Variants in DUSP12 observed in about 807,000 individuals in gnomAD.
DUSP12 encodes dual specificity phosphatase 12, also known as dual specificity protein phosphatase 12.
DUSP12 carries 25 observed loss-of-function variants against 38.9 expected under a neutral mutation model. That is an observed-to-expected ratio of 0.64 (90% CI 0.47 to 0.90). DUSP12 has a LOEUF of 0.90. Among genes scored for constraint, DUSP12 ranks in the 40% least tolerant of loss-of-function variants. The pLI is 0.00. For synonymous variants in DUSP12, 153 were observed against 153.9 expected (o/e 0.99, Z 0.05); for missense variants, 403 against 427.0 (o/e 0.94, Z 0.50).
intron 3 of DUSP12, 47 bp from the exon 4 acceptor site, chr1:161,752,321 G>A: frequency 7.5e-7 from 1 of 1,327,750 alleles, no homozygotes; most frequent in South Asian, 1.2e-5. Context: ...ATCTGAAAAT[G>A]CAGAGTTGAT....
Position 161,753,119 on chromosome 1 carries a change from G to A in DUSP12, c.719G>A (p.Gly240Glu). 1 of 1,612,860 alleles carries A rather than the reference G, an allele frequency of 6.2e-7. No individual in the cohort carries two copies. Among genetic ancestry groups the A allele is most frequent in the Non-Finnish European group, 8.5e-7 (1 of 1,179,602 alleles). The change falls in exon 5 of 6, where the codon GGA becomes GAA. Residue 240 changes from glycine to glutamate, a missense_variant. Transcript: ENST00000367943. ...RSSSILDHRE[G>E]SGPIAFAHKR... ...TCTAGTATTCTGGATCACCGTGAAG[G>A]AAGTGGACCTATAGCCTTTGCCCAC...
intron 4 of DUSP12, 36 bp downstream of exon 4, chr1:161,752,500 G>T: frequency 7.3e-7 from 1 of 1,362,928 alleles, no homozygotes. Flanking sequence ...ATTTTATCTT[G>T]TCTCAGTAGC....
intron 1 of DUSP12, among the ~76,000 whole-genome samples, chr1:161,750,931 C>A (rs1557942520): frequency 2.0e-5 from 3 of 151,240 alleles, no homozygotes; most frequent in African/African-American, 4.9e-5. Flanking sequence ...TCCCTCCCCC[C>A]AAAAAAAGAA....
At position 161,750,142 on chromosome 1, in the gene DUSP12, A is replaced by G. The variant is rs1683992411; in HGVS notation, c.341A>G (p.His114Arg). The G allele has an allele frequency of 6.2e-7, 1 of 1,610,710 alleles. No homozygotes were observed. The highest frequency in any genetic ancestry group is 8.5e-7 in the Non-Finnish European group (1 of 1,178,970). ...GCTGAGGGCCGTGCGGTGTTGGTGCACTGGTGAGTGGCCGGGTCAGTGGGT... is the reference window on the plus strand; with the variant it reads ...GCTGAGGGCCGTGCGGTGTTGGTGCGCTGGTGAGTGGCCGGGTCAGTGGGT... The part of the protein sequence containing the change: ...ARAEGRAVLV[H>R]CHAGVSRSVA... The change falls in exon 1 of 6, where the codon CAC (histidine) becomes CGC (arginine). Residue 114 changes from histidine (H) to arginine (R), a missense_variant. Coordinates refer to ENST00000367943, the MANE Select transcript of DUSP12 (RefSeq NM_007240.3).
In DUSP12 at chr1:161,751,977, G is replaced by T; in HGVS notation, c.570G>T (p.Lys190Asn). Reference protein sequence around the residue: ...KQYRLQKVTEKYPELQNLPQE... With the variant: ...KQYRLQKVTENYPELQNLPQE... Reference sequence around the variant, plus strand: ...ATCGTTTACAAAAGGTTACAGAGAAGTATCCAGGTAAGTAATAATTGCTAG... The same window carrying T: ...ATCGTTTACAAAAGGTTACAGAGAATTATCCAGGTAAGTAATAATTGCTAG... The change falls in exon 3 of 6, where the codon AAG becomes AAT. Residue 190 changes from lysine to asparagine, a missense_variant. By Grantham distance (94) the Lys-to-Asn change is moderately conservative. Coordinates refer to ENST00000367943, the MANE Select transcript of DUSP12 (RefSeq NM_007240.3). 1 of 1,600,554 alleles carries T rather than the reference G, an allele frequency of 6.2e-7. No homozygotes were observed. The highest frequency in any genetic ancestry group is 2.2e-5 in the East Asian group (1 of 44,802).
intron 5 of DUSP12, among the ~76,000 whole-genome samples, chr1:161,755,113 A>T (rs577372352): frequency 6.6e-6 from 1 of 152,180 alleles, no homozygotes; most frequent in South Asian, 2.1e-4. Flanking sequence ...TACAGGCGTG[A>T]GCCACCATGC....
chr1:161,750,190 GCCGGCCCCCGTCGC>G (rs1683993430), intron 1 of DUSP12, 45 bp downstream of exon 1: 1 of 1,575,870 alleles, frequency 6.3e-7, no homozygotes, highest in African/African-American at 1.4e-5. Flanking sequence ...CAAGCTTCCA[GCCGGCCCCCGTCGC>G]CCCTTACCTT....
intron 5 of DUSP12, among the ~76,000 whole-genome samples, chr1:161,754,084 G>A (rs1684072288): frequency 6.6e-6 from 1 of 152,334 alleles, no homozygotes; most frequent in South Asian, 2.1e-4. Flanking sequence ...ATATTAATGT[G>A]AAGGTATTCT....
In DUSP12 at chr1:161,751,683, T is replaced by C; in HGVS notation, c.360T>C (p.Ser120=). 1 of 1,611,560 alleles carries C rather than the reference T, an allele frequency of 6.2e-7. No homozygotes were observed. Among genetic ancestry groups the C allele is most frequent in the Non-Finnish European group, 8.5e-7 (1 of 1,179,336 alleles). ...TCTTTTTCAGTCATGCAGGAGTCAG[T>C]CGAAGTGTGGCCATAATAACTGCTT... The part of the protein sequence containing the change: ...AVLVHCHAGV[S]RSVAIITAFL... Residue 120 remains serine (S), a synonymous_variant, in exon 2 of 6, where the codon AGT becomes AGC. Transcript: ENST00000367943.
rs745845653 is a variant in DUSP12 at position 161,750,096 on chromosome 1, G to A, written c.295G>A (p.Ala99Thr). 1.9e-6 allele frequency: 3 copies of A among 1,613,956 alleles called. No homozygotes were observed. The highest frequency in any genetic ancestry group is 2.5e-6 in the Non-Finnish European group (3 of 1,179,968). Residue 99 changes from alanine (A) to threonine (T), a missense_variant, in exon 1 of 6, where the codon GCC becomes ACC. Physicochemically the swap from Ala to Thr is moderately conservative, Grantham distance 58. Coordinates refer to ENST00000367943, the MANE Select transcript of DUSP12 (RefSeq NM_007240.3). ...DLLSHLDRCV[A>T]FIGQARAEGR... ...ACTCAGCCATCTGGACCGGTGCGTG[G>A]CCTTCATCGGTCAGGCCCGCGCTGA...
rs1266780791 is a variant in DUSP12 at position 161,753,259 on chromosome 1, C to T, written c.859C>T (p.Gln287Ter). 1 of 1,563,880 alleles carries T rather than the reference C, an allele frequency of 6.4e-7. No homozygotes were observed. Reference protein sequence around the residue: ...ESALLGVMDGQLLCPKCSAKL... With the variant: ...ESALLGVMDG ...TGCTTTGTTGGGAGTGATGGATGGA[C>T]AGGTGAGAACACATTTTATTTTCTA... Residue 287 changes from glutamine (Q) to a stop codon, truncating the protein, a stop_gained and splice_region_variant, in exon 5 of 6, where the codon CAG (glutamine) becomes TAG (stop). Coordinates refer to ENST00000367943, the MANE Select transcript of DUSP12 (RefSeq NM_007240.3). LOFTEE classifies it high-confidence loss of function.
At chr1:161,753,293 T>C (rs770679246) in intron 5 of DUSP12, 32 bp downstream of exon 5, 1 of 1,488,122 alleles carries the variant, frequency 6.7e-7, no homozygotes, top group East Asian at 2.4e-5. Context: ...TACAATTTTA[T>C]TTTATGATCT....
At chr1:161,756,071 G>A (rs1022908619) in intron 5 of DUSP12, among the ~76,000 whole-genome samples, 1 of 152,116 alleles carries the variant, frequency 6.6e-6, no homozygotes, top group Non-Finnish European at 1.5e-5. Context: ...GACCAGGCTG[G>A]TCTCAAACTC....
chr1:161,754,591 G>A (rs1380202371), intron 5 of DUSP12, among the ~76,000 whole-genome samples: 1 of 152,154 alleles, frequency 6.6e-6, no homozygotes, highest in African/African-American at 2.4e-5. Context: ...GGGAAAGCAG[G>A]CCACTTCTTC....
chr1:161,750,166 G>A (rs767909035), intron 1 of DUSP12, 21 bp downstream of exon 1: 3 of 1,590,712 alleles, frequency 1.9e-6, no homozygotes, highest in Admixed American at 1.8e-5. Flanking sequence ...GGGTCAGTGG[G>A]TGACGTGCCC....
chr1:161,751,120 A>G (rs1684012370), intron 1 of DUSP12: 1 of 152,166 alleles, frequency 6.6e-6, no homozygotes, highest in South Asian at 2.1e-4. Context: ...ATTTATTTTT[A>G]TTTTGATATA....
chr1:161,752,520 C>G, intron 4 of DUSP12, 56 bp downstream of exon 4: 1 of 1,165,494 alleles, frequency 8.6e-7, no homozygotes, highest in South Asian at 1.5e-5. Flanking sequence ...CTGAAAAGTA[C>G]TTAATGTTTT....
At position 161,750,015 on chromosome 1, in the gene DUSP12, G is replaced by A; in HGVS notation, c.214G>A (p.Val72Ile). The change falls in exon 1 of 6, where the codon GTC becomes ATC. Residue 72 changes from valine to isoleucine, a missense_variant. Val to Ile is a conservative substitution (Grantham distance 29, BLOSUM62 3). Transcript: ENST00000367943. ...GCCCAGCTTCAAGGCGGGGCCTGGG[G>A]TCGAGGATCTATGGCGCCTCTTCGT... ...EEPSFKAGPG[V>I]EDLWRLFVPA... 6.2e-7 allele frequency: 1 copy of A among 1,614,066 alleles called. No individual in the cohort carries two copies. Among genetic ancestry groups the A allele is most frequent in the Non-Finnish European group, 8.5e-7 (1 of 1,179,982 alleles).
chr1:161,752,339 A>G, intron 3 of DUSP12, 29 bp from the exon 4 acceptor site: 2 of 1,495,770 alleles, frequency 1.3e-6, no homozygotes, highest in African/African-American at 2.8e-5. Context: ...GATTTTGACA[A>G]ATAAATACAT....
Sources: gnomAD v4.1 joint callset for allele counts (sites outside exome capture counted in the v4.1 genomes callset) on GRCh38, gnomAD v4.1.1 for gene constraint, MANE v1.5 for transcripts, NCBI Gene and HGNC (gene_info 2026-07-23, HGNC 2026-07-21) for gene names.